LRRC4C: variants seen among roughly 807,000 people sequenced by gnomAD.
The protein encoded by LRRC4C is leucine rich repeat containing 4C.
A neutral mutation model predicts 33.6 loss-of-function variants in LRRC4C; 5 were observed. The observed-to-expected ratio is 0.15, with a 90% confidence interval of 0.08 to 0.31. LRRC4C has a LOEUF of 0.31. Among genes scored for constraint, LRRC4C ranks in the 10% least tolerant of loss-of-function variants. LRRC4C has a pLI of 1.00. For missense variants in LRRC4C, 560 were observed against 796.7 expected, an observed-to-expected ratio of 0.70 and a Z score of 3.58; for synonymous variants, 329 against 302.0, an observed-to-expected ratio of 1.09 and a Z score of -0.93.
chr11:40,393,226 T>C (rs1296999060), intron 3 of LRRC4C, among the ~76,000 whole-genome samples: 1 of 152,168 alleles, frequency 6.6e-6, no homozygotes, highest in Non-Finnish European at 1.5e-5. Context: ...TTAAAACTTA[T>C]AAATAATATG....
intron 6 of LRRC4C, among the ~76,000 whole-genome samples, chr11:40,118,650 A>C (rs1432209103): frequency 6.6e-6 from 1 of 152,140 alleles, no homozygotes; most frequent in Non-Finnish European, 1.5e-5. Flanking sequence ...CAAGGCAAGC[A>C]GACATGAAAA....
intron 1 of LRRC4C, among the ~76,000 whole-genome samples, chr11:41,174,250 T>A (rs1042757988): frequency 6.6e-6 from 1 of 152,126 alleles, no homozygotes; most frequent in African/African-American, 2.4e-5. Flanking sequence ...AGCTTATCAC[T>A]TAAGGTCCCT....
chr11:40,959,647 G>C (rs1170291483), intron 1 of LRRC4C, among the ~76,000 whole-genome samples: 1 of 151,624 alleles, frequency 6.6e-6, no homozygotes, highest in African/African-American at 2.4e-5. Flanking sequence ...CAATTTCCCA[G>C]ATTATTGCCC....
At chr11:40,882,576 C>A in intron 2 of LRRC4C, among the ~76,000 whole-genome samples, 1 of 152,016 alleles carries the variant, frequency 6.6e-6, no homozygotes, top group East Asian at 1.9e-4. Context: ...TTGGAACTTC[C>A]ATTTTTTTCT....
At chr11:40,353,377 T>C (rs983069574) in intron 3 of LRRC4C, among the ~76,000 whole-genome samples, 1 of 152,126 alleles carries the variant, frequency 6.6e-6, no homozygotes, top group Admixed American at 6.6e-5. Context: ...ACTAATGCAT[T>C]TTTTACTATA....
rs146210359 is a variant in LRRC4C at position 40,839,271 on chromosome 11, G to C, written c.-407+94364C>G. The stretch of plus-strand genomic sequence containing the variant: ...TTTTTTTGAGACAGATTCTCACTCT[G>C]TCGCCCAGGCTGGAGTGCAGTGGCA... On this transcript the variant is annotated intron_variant, in intron 2 of 6. Transcript: ENST00000528697. Among the ~76,000 whole-genome samples, 509 of 151,978 alleles carry C rather than the reference G, an allele frequency of 3.3e-3. 5 individuals carry two copies. The highest frequency in any genetic ancestry group is 0.012 in the African/African-American group (488 of 41,430).
chr11:41,348,320 A>C (rs941756743), intron 1 of LRRC4C, among the ~76,000 whole-genome samples: 2 of 152,198 alleles, frequency 1.3e-5, no homozygotes, highest in African/African-American at 4.8e-5. Context: ...GTCAGAAGTC[A>C]AAAACTGAAA....
rs1341684398 is a variant in LRRC4C, at chr11:40,614,999, A to G, written c.-270+33143T>C. Among the ~76,000 whole-genome samples, 4 of 151,580 alleles carry G rather than the reference A, an allele frequency of 2.6e-5. No individual in the cohort carries two copies. The East Asian group carries it at 5.8e-4, about 22-fold the overall frequency. On this transcript the variant is annotated intron_variant, in intron 3 of 6. Transcript: ENST00000528697. ...AAGTGTAACTAAAACGTAACACAGG[A>G]ACACAAAGTGAGCACGTGCTGTTGG...
intron 1 of LRRC4C, among the ~76,000 whole-genome samples, chr11:41,411,306 G>A (rs1459898671): frequency 2.6e-5 from 4 of 150,960 alleles, no homozygotes; most frequent in African/African-American, 9.8e-5. Context: ...CCACCACCAC[G>A]CCCAGCTAAT....
At chr11:40,682,257 G>A (rs1944726646) in intron 2 of LRRC4C, among the ~76,000 whole-genome samples, 1 of 148,808 alleles carries the variant, frequency 6.7e-6, no homozygotes, top group Non-Finnish European at 1.5e-5. Flanking sequence ...GTGACAAAGT[G>A]AGGCCCCACC....
chr11:40,366,470 G>C (rs1434317193), intron 3 of LRRC4C, among the ~76,000 whole-genome samples: 2 of 151,922 alleles, frequency 1.3e-5, no homozygotes, highest in African/African-American at 2.4e-5. Context: ...CTGTGAGGCT[G>C]TGTATCAGGG....
At chr11:40,136,065 A>G (rs1398928832) in intron 6 of LRRC4C, among the ~76,000 whole-genome samples, 1 of 152,216 alleles carries the variant, frequency 6.6e-6, no homozygotes, top group Non-Finnish European at 1.5e-5. Flanking sequence ...AATCGGGCTC[A>G]CCACGCCAGT....
intron 1 of LRRC4C, among the ~76,000 whole-genome samples, chr11:41,149,529 A>AT (rs1943894714): frequency 6.6e-6 from 1 of 151,800 alleles, no homozygotes; most frequent in African/African-American, 2.4e-5. Flanking sequence ...AAAAAAAAAA[A>AT]AAAAGAAGGG....
chr11:40,894,472 T>C (rs1262364636), intron 2 of LRRC4C, among the ~76,000 whole-genome samples: 1 of 152,178 alleles, frequency 6.6e-6, no homozygotes, highest in Admixed American at 6.5e-5. Context: ...TTGACACTGA[T>C]CATTATTTAT....
intron 3 of LRRC4C, among the ~76,000 whole-genome samples, chr11:40,436,753 G>T (rs1951156296): frequency 6.6e-6 from 1 of 152,212 alleles, no homozygotes; most frequent in Non-Finnish European, 1.5e-5. Context: ...TGGCAGCAGG[G>T]ATTTCAGAGT....
intron 3 of LRRC4C, among the ~76,000 whole-genome samples, chr11:40,400,645 C>T (rs547250022): frequency 7.2e-5 from 11 of 152,216 alleles, no homozygotes; most frequent in Admixed American, 2.6e-4. Flanking sequence ...ACTGATGAAA[C>T]TCCAGACATT....
chr11:41,253,304 T>C (rs78920132), intron 1 of LRRC4C, among the ~76,000 whole-genome samples: 4,894 of 152,140 alleles, frequency 0.032, 277 homozygotes, highest in African/African-American at 0.11. Context: ...TTCACTTTCT[T>C]TAATTATCTT....
intron 5 of LRRC4C, among the ~76,000 whole-genome samples, chr11:40,228,039 G>C (rs1864936560): frequency 6.6e-6 from 1 of 152,134 alleles, no homozygotes; most frequent in African/African-American, 2.4e-5. Flanking sequence ...TCAAAGGAAA[G>C]ATTCAAATCC....
chr11:41,270,282 T>C (rs552396454), intron 1 of LRRC4C, among the ~76,000 whole-genome samples: 273 of 152,286 alleles, frequency 1.8e-3, no homozygotes, highest in Middle Eastern at 3.4e-3. Context: ...CTTCCTTGAC[T>C]ATAGCAATTT....
Sources: gnomAD v4.1 joint callset for allele counts (sites outside exome capture counted in the v4.1 genomes callset) on GRCh38, gnomAD v4.1.1 for gene constraint, MANE v1.5 for transcripts, NCBI Gene and HGNC (gene_info 2026-07-23, HGNC 2026-07-21) for gene names.